Variants in RBM39 observed in about 807,000 individuals in gnomAD.
The protein encoded by RBM39 is RNA-binding protein 39.
Under a neutral mutation model 79.6 loss-of-function variants are expected in RBM39, and 12 were observed. The ratio of observed to expected loss-of-function variants is 0.15; its 90% CI spans 0.10 to 0.24. The LOEUF (loss-of-function observed/expected upper bound fraction) is 0.24. Among genes scored for constraint, RBM39 ranks in the 10% least tolerant of loss-of-function variants. The pLI, the probability that RBM39 is intolerant of heterozygous loss-of-function variation, is 1.00. For synonymous variants in RBM39, 185 were observed against 208.4 expected, an observed-to-expected ratio of 0.89 and a Z score of 0.97; for missense variants, 243 against 653.4, an observed-to-expected ratio of 0.37 and a Z score of 6.85.
chr20:35,738,769 C>T (rs2040240537), intron 3 of RBM39, among the ~76,000 whole-genome samples, 199 bp downstream of exon 3: 1 of 152,160 alleles, frequency 6.6e-6, no homozygotes, highest in South Asian at 2.1e-4. Flanking sequence ...GTATCTGAAA[C>T]TATATTCTGA....
chr20:35,734,774 A>G, intron 3 of RBM39: 1 of 1,304,664 alleles, frequency 7.7e-7, no homozygotes, highest in Non-Finnish European at 9.9e-7. Flanking sequence ...TTTGCATAAA[A>G]GCCCAGAGAA....
intron 3 of RBM39, chr20:35,734,696 A>C (rs980584970): frequency 1.0e-5 from 7 of 687,164 alleles, no homozygotes; most frequent in African/African-American, 9.3e-5. Flanking sequence ...GTCCTCACCC[A>C]CATCTGAAGG....
intron 3 of RBM39, 188 bp from the exon 4 acceptor site, chr20:35,732,323 C>G (rs568084615): frequency 1.3e-5 from 8 of 602,356 alleles, no homozygotes; most frequent in African/African-American, 1.1e-4. Flanking sequence ...TTTGGTAGGC[C>G]GAGGCAGGCA....
chr20:35,723,757 T>C (rs758708824), intron 8 of RBM39, among the ~76,000 whole-genome samples: 1 of 152,164 alleles, frequency 6.6e-6, no homozygotes, highest in Admixed American at 6.5e-5. Flanking sequence ...AAATATTAAA[T>C]GCTGTCAAAG....
At chr20:35,732,498 G>A (rs2039479326) in intron 3 of RBM39, 1 of 220,584 alleles carries the variant, frequency 4.5e-6, no homozygotes, top group East Asian at 1.1e-4. Flanking sequence ...GGAGGTTGCA[G>A]TGAGCCAAGA....
chr20:35,740,955 T>C (rs978543749), intron 1 of RBM39, 68 bp from the exon 2 acceptor site: 1 of 1,153,758 alleles, frequency 8.7e-7, no homozygotes, highest in African/African-American at 1.6e-5. Flanking sequence ...GTTTCACTCT[T>C]GTTGCCTATA....
chr20:35,729,247 A>T (rs2039102070), intron 6 of RBM39, 65 bp downstream of exon 6: 4 of 1,374,868 alleles, frequency 2.9e-6, no homozygotes, highest in Admixed American at 4.9e-5. Context: ...AATATCATCA[A>T]ATTTAACAGT....
rs181946240 is a variant in RBM39, at chr20:35,736,604, T to A, written c.101+2364A>T. ...AAGAGCCAAAAAGAAATCAAATAAA[T>A]GGCTATTTTTCTCTCGTTTTTCATT... is the stretch of plus-strand genomic sequence containing the variant. On this transcript the variant is annotated intron_variant, in intron 3 of 16. Coordinates refer to ENST00000253363, the MANE Select transcript of RBM39 (RefSeq NM_184234.3). 311 of 468,466 alleles carry A rather than the reference T, an allele frequency of 6.6e-4. 1 individual carries two copies. Among genetic ancestry groups the A allele is most frequent in the African/African-American group, 5.9e-3 (294 of 49,862 alleles). 29.0% of individuals were successfully genotyped at this position (468,466 alleles called of 1,614,324 possible).
intron 10 of RBM39, 26 bp from the exon 11 acceptor site, chr20:35,714,415 G>C: frequency 6.3e-7 from 1 of 1,598,252 alleles, no homozygotes; most frequent in Non-Finnish European, 8.5e-7. Context: ...GGCAAGGACA[G>C]GAGACAGTGC....
intron 1 of RBM39, among the ~76,000 whole-genome samples, chr20:35,741,140 T>TC (rs1387465403): frequency 7.0e-6 from 1 of 143,360 alleles, no homozygotes; most frequent in Non-Finnish European, 1.5e-5. Context: ...GTTCCAGCGA[T>TC]CCTACCACCT....
chr20:35,729,738 C>A (rs2039159168), intron 4 of RBM39, among the ~76,000 whole-genome samples: 1 of 151,822 alleles, frequency 6.6e-6, no homozygotes, highest in African/African-American at 2.4e-5. Context: ...GGTGCCAAGA[C>A]CAAAGGTTAC....
At chr20:35,711,727 T>C (rs887230486) in intron 12 of RBM39, among the ~76,000 whole-genome samples, 2 of 152,192 alleles carry the variant, frequency 1.3e-5, no homozygotes, top group Non-Finnish European at 2.9e-5. Flanking sequence ...AATTGAATAT[T>C]GAGCTTTCAA....
rs936240190 is a variant in RBM39, at chr20:35,724,810, T to C, written c.535-88A>G. The C allele has an allele frequency of 7.7e-6, 11 of 1,432,358 alleles. No individual in the cohort carries two copies. The African/African-American group carries it at 1.2e-4, about 15-fold the overall frequency. The allele number at this position is 1,432,358 out of a possible 1,614,324, so 88.7% of individuals were successfully genotyped here. A position where few individuals can be genotyped will look rare whatever the true frequency, so the allele number is the denominator to read the frequency against. ...GAGACACTGTTGAAGGATGAAGGTATTTTTAAAAATTTAATTAAAAAAGTA... is the reference window on the plus strand; with the variant it reads ...GAGACACTGTTGAAGGATGAAGGTACTTTTAAAAATTTAATTAAAAAAGTA... On this transcript the variant is annotated intron_variant, in intron 7 of 16. Coordinates refer to ENST00000253363, the MANE Select transcript of RBM39 (RefSeq NM_184234.3).
chr20:35,721,979 A>C, intron 8 of RBM39, 102 bp from the exon 9 acceptor site: 1 of 1,341,362 alleles, frequency 7.5e-7, no homozygotes, highest in East Asian at 2.3e-5. Context: ...AGAGTGATAA[A>C]AATACTACCC....
chr20:35,705,085 C>G, intron 15 of RBM39, 140 bp downstream of exon 15: 1 of 645,634 alleles, frequency 1.5e-6, no homozygotes, highest in East Asian at 2.9e-5. Flanking sequence ...TATTTAGCCA[C>G]TATATTAAAG....
chr20:35,726,218 G>A (rs2425106), intron 6 of RBM39, among the ~76,000 whole-genome samples: 28,403 of 151,694 alleles, frequency 0.19, 3,051 homozygotes, highest in African/African-American at 0.31. Context: ...TGCAACCTCC[G>A]CCTCCAGGGT....
Position 35,740,911 on chromosome 20 carries a change from C to G in RBM39, c.-13-24G>C, listed in dbSNP as rs1376177845. ...GCCTAGGAAGAGAACAAGACAATTT[C>G]TTGAGTAAACATTTCTCTTACAATG... On this transcript the variant is annotated intron_variant, in intron 1 of 16. Transcript: ENST00000253363. The G allele has an allele frequency of 2.0e-6, 3 of 1,534,988 alleles. No individual in the cohort carries two copies. In the Admixed American group the frequency reaches 5.3e-5, roughly 27 times the overall value.
Position 35,704,510 on chromosome 20 carries a change from T to C in RBM39, c.1564A>G (p.Thr522Ala), listed in dbSNP as rs748585138. The change falls in exon 17 of 17, where the codon ACA becomes GCA. Residue 522 changes from threonine to alanine, a missense_variant. Physicochemically the swap from Thr to Ala is moderately conservative, Grantham distance 58 (BLOSUM62 0). Transcript: ENST00000253363. ...CGTCTACTTGGAACCAGTAGCTGTG[T>C]TGCTGTCATAGAATCAGGAAACAGG... ...HNLFPDSMTATQLLVPSRR is the reference protein window; with the variant it reads ...HNLFPDSMTAAQLLVPSRR 1.6e-5 allele frequency: 26 copies of C among 1,612,562 alleles called. No homozygotes were observed. Among genetic ancestry groups the C allele is most frequent in the South Asian group, 5.5e-5 (5 of 91,038 alleles).
chr20:35,738,885 A>C, intron 3 of RBM39, 83 bp downstream of exon 3: 1 of 1,231,612 alleles, frequency 8.1e-7, no homozygotes, highest in South Asian at 1.3e-5. Flanking sequence ...AATTTTGTAT[A>C]CTTTAGCCAC....
Sources: gnomAD v4.1 joint callset for allele counts (sites outside exome capture counted in the v4.1 genomes callset) on GRCh38, gnomAD v4.1.1 for gene constraint, MANE v1.5 for transcripts, NCBI Gene and HGNC (gene_info 2026-07-23, HGNC 2026-07-21) for gene names.